The following AUTS2 variants were observed in gnomAD, a reference collection of about 807,000 sequenced individuals.
The protein encoded by AUTS2 is activator of transcription and developmental regulator AUTS2.
AUTS2 carries 17 observed loss-of-function variants against 112.4 expected under a neutral mutation model. That is an observed-to-expected ratio of 0.15 (90% CI 0.10 to 0.23). AUTS2 has a LOEUF of 0.23. Ranked by LOEUF, AUTS2 falls within the 10% of genes least tolerant of loss-of-function variation. The pLI is 1.00. For synonymous variants in AUTS2, 751 were observed against 702.7 expected (o/e 1.07, Z -1.09); for missense variants, 1,510 against 1,701.6 (o/e 0.89, Z 1.98).
intron 2 of AUTS2, among the ~76,000 whole-genome samples, chr7:70,088,628 T>G (rs1476679425): frequency 2.0e-5 from 3 of 151,884 alleles, no homozygotes; most frequent in Non-Finnish European, 4.4e-5. Flanking sequence ...TGTTTTGTTT[T>G]AAAGACAAAG....
At chr7:70,414,152 T>C (rs79912422) in intron 4 of AUTS2, among the ~76,000 whole-genome samples, 2,517 of 152,294 alleles carry the variant, frequency 0.017, 72 homozygotes, top group African/African-American at 0.058. Flanking sequence ...TTGAGTACGA[T>C]AGCATGGAAG....
At chr7:69,694,261 C>T (rs1797462785) in intron 1 of AUTS2, among the ~76,000 whole-genome samples, 1 of 152,144 alleles carries the variant, frequency 6.6e-6, no homozygotes, top group Non-Finnish European at 1.5e-5. Context: ...AATTCTGACT[C>T]AGTGGGGGTA....
chr7:69,970,835 T>G (rs1797819961), intron 2 of AUTS2, among the ~76,000 whole-genome samples: 1 of 152,110 alleles, frequency 6.6e-6, no homozygotes, highest in African/African-American at 2.4e-5. Flanking sequence ...TTACATTGTG[T>G]TTTTGATTTT....
intron 5 of AUTS2, among the ~76,000 whole-genome samples, chr7:70,632,531 C>T (rs1246289178): frequency 6.6e-6 from 1 of 151,798 alleles, no homozygotes; most frequent in Non-Finnish European, 1.5e-5. Context: ...TCTGCAGGCA[C>T]AGATGCCCCC....
chr7:70,135,655 C>T (rs927014789), intron 4 of AUTS2, among the ~76,000 whole-genome samples: 4 of 151,868 alleles, frequency 2.6e-5, no homozygotes, highest in African/African-American at 9.7e-5. Context: ...TAGATGTTGA[C>T]TTTTTTTTGG....
intron 1 of AUTS2, among the ~76,000 whole-genome samples, chr7:69,768,904 A>G (rs1271369416): frequency 1.3e-5 from 2 of 152,202 alleles, no homozygotes; most frequent in African/African-American, 4.8e-5. Context: ...CACCAGGTAG[A>G]ATGCAGGCCA....
chr7:70,512,232 T>A (rs1025892504), intron 5 of AUTS2, among the ~76,000 whole-genome samples: 2 of 152,218 alleles, frequency 1.3e-5, no homozygotes, highest in African/African-American at 4.8e-5. Context: ...CAAATCCAGA[T>A]GGCGCACATA....
chr7:70,590,343 G>A (rs896077903), intron 5 of AUTS2, among the ~76,000 whole-genome samples: 2 of 152,104 alleles, frequency 1.3e-5, no homozygotes, highest in Non-Finnish European at 1.5e-5. Context: ...CAAGTTCACG[G>A]GCTGGTGACG....
intron 1 of AUTS2, among the ~76,000 whole-genome samples, chr7:69,780,608 C>T (rs925572440): frequency 6.6e-6 from 1 of 152,182 alleles, no homozygotes; most frequent in African/African-American, 2.4e-5. Flanking sequence ...TCACTGTGTG[C>T]CTGGCTGTTG....
intron 4 of AUTS2, among the ~76,000 whole-genome samples, chr7:70,350,440 G>C (rs1467344886): frequency 1.3e-5 from 2 of 152,170 alleles, no homozygotes; most frequent in African/African-American, 2.4e-5. Context: ...GGCTGGGGAG[G>C]CCTCACAATC....
In AUTS2 at chr7:70,418,107, G is replaced by GTGTGTA. The variant is rs1554396560; in HGVS notation, c.661-17640_661-17639insATGTGT. Among the ~76,000 whole-genome samples, 7 of 150,856 alleles carry GTGTGTA rather than the reference G, an allele frequency of 4.6e-5. 1 individual carries two copies. Among genetic ancestry groups the GTGTGTA allele is most frequent in the African/African-American group, 1.5e-4 (6 of 40,964 alleles). On this transcript the variant is annotated intron_variant, in intron 4 of 18. Coordinates refer to ENST00000342771, the MANE Select transcript of AUTS2 (RefSeq NM_015570.4). ...TGTGTGTGTGTGTGTGTGTGTGTGT[G>GTGTGTA]TGTGTCTGTGTGTGTAGACGGGGTC...
intron 4 of AUTS2, chr7:70,293,690 T>C (rs1172232768): frequency 6.6e-5 from 10 of 152,228 alleles, no homozygotes; most frequent in Admixed American, 2.0e-4. Flanking sequence ...TGTGCACCAA[T>C]GTCCTCGTCT....
At chr7:69,770,401 C>G (rs1432037255) in intron 1 of AUTS2, among the ~76,000 whole-genome samples, 1 of 152,128 alleles carries the variant, frequency 6.6e-6, no homozygotes, top group African/African-American at 2.4e-5. Context: ...ACCCTCAGCC[C>G]TGAGTTCACA....
At chr7:69,963,947 C>G (rs1797531023) in intron 2 of AUTS2, among the ~76,000 whole-genome samples, 1 of 152,066 alleles carries the variant, frequency 6.6e-6, no homozygotes, top group African/African-American at 2.4e-5. Flanking sequence ...AGAACAAAAA[C>G]CAATAACGTA....
At chr7:70,608,688 A>G (rs1803913975) in intron 5 of AUTS2, among the ~76,000 whole-genome samples, 1 of 152,216 alleles carries the variant, frequency 6.6e-6, no homozygotes, top group South Asian at 2.1e-4. Flanking sequence ...AACCTCTGGC[A>G]TGGGTCCCAG....
intron 1 of AUTS2, among the ~76,000 whole-genome samples, chr7:69,809,313 C>T (rs572437349): frequency 1.3e-5 from 2 of 152,096 alleles, no homozygotes; most frequent in African/African-American, 4.8e-5. Flanking sequence ...CTCCTGACCT[C>T]GTGATCTGCC....
chr7:70,541,489 A>G (rs994535846), intron 5 of AUTS2, among the ~76,000 whole-genome samples: 6 of 152,226 alleles, frequency 3.9e-5, no homozygotes, highest in African/African-American at 1.4e-4. Flanking sequence ...ATTCCTAAAG[A>G]TCATCTTATC....
At chr7:70,769,642 T>G (rs1393340792) in intron 10 of AUTS2, among the ~76,000 whole-genome samples, 2 of 152,144 alleles carry the variant, frequency 1.3e-5, no homozygotes, top group African/African-American at 4.8e-5. Context: ...CTGAGACGGC[T>G]CCACTGCACT....
At chr7:70,779,676 G>A (rs918592870) in intron 14 of AUTS2, among the ~76,000 whole-genome samples, 4 of 152,216 alleles carry the variant, frequency 2.6e-5, no homozygotes, top group African/African-American at 9.6e-5. Context: ...GGACATGAGG[G>A]AGATTGAGCT....
Sources: allele counts gnomAD v4.1 joint callset (sites outside exome capture counted in the v4.1 genomes callset), GRCh38; gene constraint gnomAD v4.1.1; transcripts MANE v1.5; gene names NCBI Gene and HGNC (gene_info 2026-07-23, HGNC 2026-07-21).